The following TAF2 variants were observed in gnomAD, a reference collection of about 807,000 sequenced individuals.
TAF2 encodes TATA-box binding protein associated factor 2, also known as transcription initiation factor TFIID subunit 2.
A neutral mutation model predicts 138.5 loss-of-function variants in TAF2; 61 were observed. That is an observed-to-expected ratio of 0.44 (90% CI 0.36 to 0.54). TAF2 has a LOEUF of 0.54. Ranked by LOEUF, TAF2 falls within the 20% of genes least tolerant of loss-of-function variation. The probability of loss-of-function intolerance (pLI) is 0.00; values close to 1 mark genes in which losing one functional copy is unlikely to be tolerated. For missense variants in TAF2, 1,090 were observed against 1,427.9 expected (o/e 0.76, Z 3.81); for synonymous variants, 475 against 469.9 (o/e 1.01, Z -0.14).
In TAF2 at chr8:119,806,828, T is replaced by C. The variant is rs146385293; in HGVS notation, c.300-427A>G. Among the ~76,000 whole-genome samples, 33 of 152,282 alleles carry C rather than the reference T, an allele frequency of 2.2e-4. No homozygotes were observed. The East Asian group carries it at 6.2e-3, about 29-fold the overall frequency. Reference sequence around the variant, plus strand: ...TATTTGTAAGCATTTTATCTTCTTATATAATTTCTAAGAACACTCTTTAGC... The same window carrying C: ...TATTTGTAAGCATTTTATCTTCTTACATAATTTCTAAGAACACTCTTTAGC... On this transcript the variant is annotated intron_variant, in intron 3 of 25. Coordinates refer to ENST00000378164, the MANE Select transcript of TAF2 (RefSeq NM_003184.4).
At position 119,732,031 on chromosome 8, in the gene TAF2, G is replaced by C; in HGVS notation, c.3493C>G (p.His1165Asp). 1.2e-6 allele frequency: 2 copies of C among 1,614,194 alleles called. No individual in the cohort carries two copies. The highest frequency in any genetic ancestry group is 1.7e-6 in the Non-Finnish European group (2 of 1,180,016). ...CTGTCATGCTTATGCTTGTGTTTGT[G>C]CTTATGTTTATGCTTCTTCTTCTTT... ...KKKKKKHKHK[H>D]KHKHKHDSKE... Residue 1165 changes from histidine to aspartate, a missense_variant, in exon 26 of 26, where the codon CAC (histidine) becomes GAC (aspartate). By Grantham distance (81) the His-to-Asp change is moderately conservative. Around this residue, in one of 3 missense-constraint regions of TAF2, gnomAD observed 580 missense variants for 719.6 expected, o/e 0.81. Transcript: ENST00000378164.
intron 25 of TAF2, among the ~76,000 whole-genome samples, chr8:119,741,175 CAA>C (rs543461032): frequency 6.6e-6 from 1 of 151,418 alleles, no homozygotes; most frequent in Non-Finnish European, 1.5e-5. Flanking sequence ...CTGGTGGGCA[CAA>C]AAAAAAGTGT....
At chr8:119,817,712 T>A (rs1825568280) in intron 3 of TAF2, among the ~76,000 whole-genome samples, 1 of 152,226 alleles carries the variant, frequency 6.6e-6, no homozygotes, top group South Asian at 2.1e-4. Context: ...CTGTCTTTTG[T>A]GACTGACAAA....
intron 11 of TAF2, among the ~76,000 whole-genome samples, chr8:119,790,111 T>G (rs1823315697): frequency 6.6e-6 from 1 of 152,170 alleles, no homozygotes; most frequent in Admixed American, 6.6e-5. Flanking sequence ...AGTGGCTCTT[T>G]ATGGACCATC....
intron 14 of TAF2, among the ~76,000 whole-genome samples, chr8:119,786,687 C>T (rs35103910): frequency 0.27 from 41,320 of 151,946 alleles, 6,880 homozygotes; most frequent in Admixed American, 0.46. Context: ...TTTGGGGGGC[C>T]GAGGTGGGCA....
chr8:119,832,507 A>G lies in TAF2; in HGVS notation c.58T>C (p.Phe20Leu). Residue 20 changes from phenylalanine to leucine, a missense_variant, in exon 1 of 26, where the codon TTT becomes CTT. This residue lies in a region of TAF2 where 504 missense variants were observed against 680.9 expected (regional missense o/e 0.74). Coordinates refer to ENST00000378164, the MANE Select transcript of TAF2 (RefSeq NM_003184.4). ...RMNRKKGDKGFESPRPYKLTH... is the reference protein window; with the variant it reads ...RMNRKKGDKGLESPRPYKLTH... ...AATTTATATGGCCTTGGGCTTTCAA[A>G]GCCCTTGTCTCCTTTCTTCCTGTTC... The G allele has an allele frequency of 6.2e-7, 1 of 1,614,006 alleles. No individual in the cohort carries two copies.
chr8:119,738,896 TA>T (rs201122642), intron 25 of TAF2, among the ~76,000 whole-genome samples: 8 of 150,346 alleles, frequency 5.3e-5, no homozygotes, highest in Non-Finnish European at 5.9e-5. Flanking sequence ...TAGATCACTG[TA>T]AAAAAAAAGT....
intron 14 of TAF2, 24 bp from the exon 15 acceptor site, chr8:119,785,290 GGAAAATTGTGA>G: frequency 6.5e-7 from 1 of 1,545,348 alleles, no homozygotes; most frequent in Non-Finnish European, 8.9e-7. Flanking sequence ...AAAGTAGGTT[GGAAAATTGTGA>G]GATTTCTAAT....
chr8:119,737,511 C>CTT (rs34513662), intron 25 of TAF2, among the ~76,000 whole-genome samples: 155 of 137,330 alleles, frequency 1.1e-3, no homozygotes, highest in South Asian at 1.4e-3. Context: ...TTTTCTTTTT[C>CTT]TTTTTTTTTT....
chr8:119,789,539 A>C, intron 12 of TAF2, 53 bp downstream of exon 12: 6 of 1,604,364 alleles, frequency 3.7e-6, no homozygotes, highest in Non-Finnish European at 4.3e-6. Context: ...TTCCCCTTGC[A>C]CACATACCTT....
At chr8:119,805,888 T>C (rs1199775551) in intron 4 of TAF2, among the ~76,000 whole-genome samples, 1 of 148,790 alleles carries the variant, frequency 6.7e-6, no homozygotes, top group African/African-American at 2.5e-5. Context: ...GTTAATGTTC[T>C]TTCGTTTTGT....
At chr8:119,732,660 C>T (rs963738819) in intron 25 of TAF2, among the ~76,000 whole-genome samples, 7 of 151,898 alleles carry the variant, frequency 4.6e-5, no homozygotes, top group Admixed American at 2.6e-4. Context: ...AAAAATTAGC[C>T]GGGCATGGTG....
At position 119,767,336 on chromosome 8, in the gene TAF2, G is replaced by A. The variant is rs556549042; in HGVS notation, c.2365-4728C>T. Among the ~76,000 whole-genome samples, 23 of 152,260 alleles carry A rather than the reference G, an allele frequency of 1.5e-4. No homozygotes were observed. The South Asian group carries it at 2.3e-3, about 15-fold the overall frequency. On this transcript the variant is annotated intron_variant, in intron 18 of 25. Transcript: ENST00000378164. ...TGCTGTAATTCATCAGAGAAGCGAC[G>A]GGAATCATGGAAAGCAGAGGAGAGC...
At chr8:119,809,998 TAAAA>T (rs56281726) in intron 3 of TAF2, among the ~76,000 whole-genome samples, 1 of 117,672 alleles carries the variant, frequency 8.5e-6, no homozygotes, top group Admixed American at 9.3e-5. Context: ...CTTCAATTTG[TAAAA>T]AAAAAAAAAA....
chr8:119,824,320 C>T (rs796443609), intron 2 of TAF2, among the ~76,000 whole-genome samples: 42 of 151,664 alleles, frequency 2.8e-4, no homozygotes, highest in African/African-American at 9.7e-4. Context: ...ATCCCAGCTA[C>T]TCAGGAGGCT....
At chr8:119,805,236 A>G (rs1345579691) in intron 4 of TAF2, among the ~76,000 whole-genome samples, 28 of 152,168 alleles carry the variant, frequency 1.8e-4, no homozygotes, top group Admixed American at 1.8e-3. Context: ...CTTTAACTTC[A>G]CCAATAATTT....
intron 22 of TAF2, among the ~76,000 whole-genome samples, chr8:119,748,571 G>GA (rs1820137133): frequency 6.6e-6 from 1 of 151,960 alleles, no homozygotes; most frequent in East Asian, 1.9e-4. Context: ...CCAAGTAATG[G>GA]AAAAAACATT....
In TAF2 at chr8:119,806,214, T is replaced by G. The variant is rs189439793; in HGVS notation, c.418+69A>C. On this transcript the variant is annotated intron_variant, in intron 4 of 25. Transcript: ENST00000378164. The stretch of plus-strand genomic sequence containing the variant: ...ACAGTGCCTGCATCATTAGTTCTCA[T>G]GTAAAATTCTCTAGTGTCTGAATCT... The G allele has an allele frequency of 1.4e-5, 18 of 1,300,762 alleles. No homozygotes were observed. The African/African-American group carries it at 2.5e-4, about 18-fold the overall frequency. 80.6% of individuals were successfully genotyped at this position (1,300,762 alleles called of 1,614,324 possible).
In TAF2 at chr8:119,783,402, T is replaced by G. The variant is rs61737160; in HGVS notation, c.2091A>C (p.Ser697=). Residue 697 remains serine (S), a synonymous_variant, in exon 16 of 26, where the codon TCA becomes TCC. Coordinates refer to ENST00000378164, the MANE Select transcript of TAF2 (RefSeq NM_003184.4). The part of the protein sequence containing the change: ...QEQCFYRVRM[S]ACFCLAKIAN... ...TCACCTTTGCAAGACAGAAGCAAGCTGACATTCTTACTCTGTAGAAACACT... is the reference window on the plus strand; with the variant it reads ...TCACCTTTGCAAGACAGAAGCAAGCGGACATTCTTACTCTGTAGAAACACT... 1.5e-3 allele frequency: 2,411 copies of G among 1,614,116 alleles called. 30 individuals are homozygous for G. The African/African-American group carries it at 0.027, about 18-fold the overall frequency.
Sources: gnomAD v4.1 joint callset for allele counts (sites outside exome capture counted in the v4.1 genomes callset) on GRCh38, gnomAD v4.1.1 for gene constraint, gnomAD v4.1.1 regional missense constraint, MANE v1.5 for transcripts, NCBI Gene and HGNC (gene_info 2026-07-23, HGNC 2026-07-21) for gene names.